MAGT1: variants seen among roughly 807,000 people sequenced by gnomAD.
The protein encoded by MAGT1 is magnesium transporter 1, also known as dolichyl-diphosphooligosaccharide--protein glycosyltransferase subunit MAGT1.
MAGT1 carries 4 observed loss-of-function variants against 28.4 expected under a neutral mutation model. The observed-to-expected ratio is 0.14, with a 90% CI of 0.07 to 0.32. MAGT1 has a LOEUF of 0.32. Among genes scored for constraint, MAGT1 ranks in the 10% least tolerant of loss-of-function variants. MAGT1 has a pLI of 1.00. For missense variants in MAGT1, 193 were observed against 264.5 expected (o/e 0.73, Z 1.88); for synonymous variants, 89 against 89.7 (o/e 0.99, Z 0.04).
chrX:77,885,928 C>T (rs1052070275), intron 1 of MAGT1, among the ~76,000 whole-genome samples: 1 of 110,888 alleles, frequency 9.0e-6, no homozygotes, highest in East Asian at 2.8e-4. Flanking sequence ...TGCAGTGAGC[C>T]GAGATTGAGC....
At chrX:77,859,772 C>A (rs781894448) in intron 3 of MAGT1, among the ~76,000 whole-genome samples, 27 of 110,292 alleles carry the variant, frequency 2.4e-4, no homozygotes, top group African/African-American at 8.6e-4. Context: ...GAGGCTGAGG[C>A]ACAAGAATTA....
Position 77,832,760 on chromosome X carries a change from T to C in MAGT1, c.902-1865A>G, listed in dbSNP as rs1035971899. Among the ~76,000 whole-genome samples the C allele has an allele frequency of 7.2e-5, 7 of 97,549 alleles. No individual in the cohort carries two copies. In the Admixed American group the frequency reaches 7.6e-4, roughly 11 times the overall value. The allele number at this position is 97,549 out of a possible 115,157, so 84.7% of individuals were successfully genotyped here. ...AGGCAGGATAATCGCTTGGCAAAGCTTGCAGTGAACCAAGATCGCGCCACT... is the reference window on the plus strand; with the variant it reads ...AGGCAGGATAATCGCTTGGCAAAGCCTGCAGTGAACCAAGATCGCGCCACT... On this transcript the variant is annotated intron_variant, in intron 8 of 9. Transcript: ENST00000618282.
At chrX:77,834,240 A>G (rs1189307382) in intron 8 of MAGT1, among the ~76,000 whole-genome samples, 1 of 78,008 alleles carries the variant, frequency 1.3e-5, no homozygotes, top group Non-Finnish European at 2.7e-5. Context: ...ATATGTATAT[A>G]TATGCATATA....
At chrX:77,853,997 A>C (rs148532585) in intron 6 of MAGT1, 33 bp from the exon 7 acceptor site, 1 of 1,066,336 alleles carries the variant, frequency 9.4e-7, no homozygotes, top group East Asian at 3.0e-5. Context: ...TGGAATCTTT[A>C]AGTATACATT....
At position 77,888,106 on chromosome X, in the gene MAGT1, G is replaced by C. The variant is rs190083312; in HGVS notation, c.102+7203C>G. On this transcript the variant is annotated intron_variant, in intron 1 of 9. Transcript: ENST00000618282. Reference sequence around the variant, plus strand: ...ATTACAGGCATGATCGACTGTGCCCGGCCTCCACTAATAGTTGTTAAACAT... The same window carrying C: ...ATTACAGGCATGATCGACTGTGCCCCGCCTCCACTAATAGTTGTTAAACAT... Among the ~76,000 whole-genome samples, 277 of 111,622 alleles carry C rather than the reference G, an allele frequency of 2.5e-3. 1 individual carries two copies. The highest frequency in any genetic ancestry group is 0.018 in the Middle Eastern group (4 of 218).
Position 77,857,358 on chromosome X carries a change from T to C in MAGT1, c.530A>G (p.Asn177Ser), listed in dbSNP as rs181702408. Reference protein sequence around the residue: ...ARWIADRTDVNIRVIRPPNYA... With the variant: ...ARWIADRTDVSIRVIRPPNYA... ...AGTCTACATAGTTGGGAAACTTACA[T>C]TGACATCAGTTCTGTCGGCGATCCA... Residue 177 changes from asparagine to serine, a missense_variant and splice_region_variant, in exon 4 of 10, where the codon AAT (asparagine) becomes AGT (serine). Transcript: ENST00000618282. 11 of 1,209,886 alleles carry C rather than the reference T, an allele frequency of 9.1e-6. No individual in the cohort carries two copies. In the African/African-American group the frequency reaches 1.0e-4, roughly 12 times the overall value.
chrX:77,851,367 C>T, intron 7 of MAGT1, among the ~76,000 whole-genome samples: 1 of 108,796 alleles, frequency 9.2e-6, no homozygotes, highest in East Asian at 2.9e-4. Flanking sequence ...AGGCGCCCGT[C>T]ACCATGCCTG....
At chrX:77,843,876 A>G (rs974846624) in intron 7 of MAGT1, among the ~76,000 whole-genome samples, 1 of 111,194 alleles carries the variant, frequency 9.0e-6, no homozygotes, top group African/African-American at 3.3e-5. Context: ...TTTTGCATCA[A>G]TGTTCATCAG....
intron 7 of MAGT1, among the ~76,000 whole-genome samples, chrX:77,843,838 ATT>A (rs1195896245): frequency 1.8e-5 from 2 of 110,556 alleles, no homozygotes; most frequent in African/African-American, 3.3e-5. Context: ...CTCCCCCAGT[ATT>A]TTTTTGCCAG....
chrX:77,892,576 C>G (rs994485528), intron 1 of MAGT1, among the ~76,000 whole-genome samples: 1 of 110,689 alleles, frequency 9.0e-6, no homozygotes, highest in Non-Finnish European at 1.9e-5. Flanking sequence ...GTGGGTAGAT[C>G]ACTTGAGTCC....
chrX:77,883,047 ATAT>A (rs1362013986), intron 1 of MAGT1, among the ~76,000 whole-genome samples: 5 of 100,825 alleles, frequency 5.0e-5, no homozygotes, highest in Non-Finnish European at 9.9e-5. Flanking sequence ...TATATAATTT[ATAT>A]TATATTAATA....
chrX:77,853,806 T>G (rs1240161350), intron 7 of MAGT1, 95 bp downstream of exon 7: 5 of 713,801 alleles, frequency 7.0e-6, no homozygotes, highest in Non-Finnish European at 1.1e-5. Flanking sequence ...TGACTTGCAT[T>G]AAGAGAACAG....
At chrX:77,885,966 C>A (rs1432715286) in intron 1 of MAGT1, among the ~76,000 whole-genome samples, 2 of 110,826 alleles carry the variant, frequency 1.8e-5, no homozygotes, top group Admixed American at 1.9e-4. Flanking sequence ...GGTGACAGAG[C>A]GAGACTCCGT....
At chrX:77,861,971 T>C (rs1557216512) in intron 3 of MAGT1, among the ~76,000 whole-genome samples, 1 of 111,358 alleles carries the variant, frequency 9.0e-6, no homozygotes, top group Non-Finnish European at 1.9e-5. Flanking sequence ...TGGAGATTGG[T>C]TGTACAACAA....
At position 77,834,278 on chromosome X, in the gene MAGT1, GTA is replaced by G. The variant is rs782224911; in HGVS notation, c.902-3385_902-3384del. The stretch of plus-strand genomic sequence containing the variant: ...TACATGTGTGTATATATGCATATAT[GTA>G]TATATATGCATATATATATATACAT... On this transcript the variant is annotated intron_variant, in intron 8 of 9. Coordinates refer to ENST00000618282, the MANE Select transcript of MAGT1 (RefSeq NM_001367916.1). 5.4e-5 allele frequency among the ~76,000 whole-genome samples: 5 copies of G among 92,899 alleles called. No individual in the cohort carries two copies. The East Asian group carries it at 1.0e-3, about 19-fold the overall frequency. The allele number at this position is 92,899 out of a possible 115,157, so 80.7% of individuals were successfully genotyped here. A position where few individuals can be genotyped will look rare whatever the true frequency, so the allele number is the denominator to read the frequency against.
At chrX:77,884,269 C>A (rs895780020) in intron 1 of MAGT1, among the ~76,000 whole-genome samples, 5 of 111,801 alleles carry the variant, frequency 4.5e-5, no homozygotes, top group African/African-American at 1.6e-4. Flanking sequence ...ATGCTATAAT[C>A]CTTATTCACA....
intron 3 of MAGT1, among the ~76,000 whole-genome samples, chrX:77,869,712 C>CA (rs781967181): frequency 0.016 from 1,363 of 84,983 alleles, 6 homozygotes; most frequent in South Asian, 0.038. Flanking sequence ...ATAATTAAAG[C>CA]AAAAAAAAAA....
intron 1 of MAGT1, among the ~76,000 whole-genome samples, chrX:77,883,256 G>T (rs899946388): frequency 9.5e-6 from 1 of 105,061 alleles, no homozygotes; most frequent in Admixed American, 1.1e-4. Flanking sequence ...ATTCCTTTGG[G>T]TGTATATCCA....
chrX:77,870,968 T>C, intron 2 of MAGT1, 43 bp from the exon 3 acceptor site: 2 of 969,819 alleles, frequency 2.1e-6, no homozygotes, highest in Non-Finnish European at 3.0e-6. Flanking sequence ...TAAAACAATT[T>C]TTGAAAGCAA....
Sources: allele counts gnomAD v4.1 joint callset (sites outside exome capture counted in the v4.1 genomes callset), GRCh38; gene constraint gnomAD v4.1.1; transcripts MANE v1.5; gene names NCBI Gene and HGNC (gene_info 2026-07-23, HGNC 2026-07-21).